The following WDR82 variants were observed in gnomAD, a reference collection of about 807,000 sequenced individuals.
WDR82 encodes the protein WD repeat-containing protein 82.
Under a neutral mutation model 36.1 loss-of-function variants are expected in WDR82, and 8 were observed. The ratio of observed to expected loss-of-function variants is 0.22; its 90% CI spans 0.13 to 0.40. WDR82 has a LOEUF of 0.40. WDR82 is among the 10% of genes least tolerant of loss of function. WDR82 has a pLI of 1.00. For missense variants in WDR82, 185 were observed against 400.5 expected (o/e 0.46, Z 4.59); for synonymous variants, 129 against 137.8 (o/e 0.94, Z 0.45).
At chr3:52,275,341 T>C (rs1031745825) in intron 1 of WDR82, among the ~76,000 whole-genome samples, 1 of 152,230 alleles carries the variant, frequency 6.6e-6, no homozygotes, top group African/African-American at 2.4e-5. Context: ...TTGCCTAGAA[T>C]GGAAACTAAA....
chr3:52,277,348 G>A (rs1165063750), intron 1 of WDR82, among the ~76,000 whole-genome samples: 1 of 152,010 alleles, frequency 6.6e-6, no homozygotes, highest in Non-Finnish European at 1.5e-5. Flanking sequence ...TGGGTCTCCA[G>A]ATGACTTGTG....
chr3:52,263,113 G>A (rs1227497551), intron 3 of WDR82, among the ~76,000 whole-genome samples: 1 of 152,208 alleles, frequency 6.6e-6, no homozygotes, highest in Non-Finnish European at 1.5e-5. Context: ...GGGAAACAGA[G>A]CAAGGCACCG....
In WDR82 at chr3:52,255,765, T is replaced by A. The variant is rs1179562482; in HGVS notation, c.*1725A>T. The A allele has an allele frequency of 6.6e-6, 1 of 152,190 alleles. No individual in the cohort carries two copies. The highest frequency in any genetic ancestry group is 1.5e-5 in the Non-Finnish European group (1 of 68,058). The allele number at this position is 152,190 out of a possible 1,614,324, so 9.4% of individuals were successfully genotyped here. ...GGATCTGCAAGGAGTGTTGCCTGCA[T>A]AAATGTTTGTTTAGGAACTTAGTAA... is the stretch of plus-strand genomic sequence containing the variant. On this transcript the variant is annotated 3_prime_UTR_variant, in exon 9 of 9. Coordinates refer to ENST00000296490, the MANE Select transcript of WDR82 (RefSeq NM_025222.4).
In WDR82 at chr3:52,256,209, CTGAAA is replaced by C. The variant is rs1700005955; in HGVS notation, c.*1276_*1280del. ...ACACTATCAGCTTTGCTTCAGTCTT[CTGAAA>C]TGAAAATATTAATAAGGAAGACTCA... On this transcript the variant is annotated 3_prime_UTR_variant, in exon 9 of 9. Transcript: ENST00000296490. 1.3e-5 allele frequency: 2 copies of C among 153,874 alleles called. No homozygotes were observed. The highest frequency in any genetic ancestry group is 1.3e-4 in the Admixed American group (2 of 15,286). 9.5% of individuals were successfully genotyped at this position (153,874 alleles called of 1,614,324 possible).
chr3:52,260,461 TCAAAAGAA>T lies in WDR82; in HGVS notation c.459_466del (p.Cys153Ter). On this transcript the variant is annotated stop_gained and frameshift_variant, in exon 5 of 9. Transcript: ENST00000296490. LOFTEE classifies it high-confidence loss of function. ...TGCAGCGAAAATTAACCCTTCTGGA[TCAAAAGAA>T]CAAACTGGCTTCCCCTGCAGATGCA... The T allele has an allele frequency of 6.3e-7, 1 of 1,592,160 alleles. No individual in the cohort carries two copies. Among genetic ancestry groups the T allele is most frequent in the African/African-American group, 1.4e-5 (1 of 72,640 alleles).
intron 4 of WDR82, 41 bp from the exon 5 acceptor site, chr3:52,260,542 C>G (rs199896636): frequency 7.1e-7 from 1 of 1,401,594 alleles, no homozygotes; most frequent in East Asian, 2.5e-5. Flanking sequence ...AACACACATG[C>G]CACAACCATA....
At position 52,278,303 on chromosome 3, in the gene WDR82, T is replaced by C. The variant is rs1199810066; in HGVS notation, c.59A>G (p.Asn20Ser). 6.2e-7 allele frequency: 1 copy of C among 1,609,374 alleles called. No homozygotes were observed. The highest frequency in any genetic ancestry group is 1.7e-5 in the Admixed American group (1 of 59,362). ...ATCGAAGCAGTTAATCTTGTCCGAGTTTTCGCGGAACACCTTAGCGACGCG... is the reference window on the plus strand; with the variant it reads ...ATCGAAGCAGTTAATCTTGTCCGAGCTTTCGCGGAACACCTTAGCGACGCG... ...SFRVAKVFRE[N>S]SDKINCFDFS... Residue 20 changes from asparagine to serine, a missense_variant, in exon 1 of 9, where the codon AAC (asparagine) becomes AGC (serine). Physicochemically the swap from Asn to Ser is conservative, Grantham distance 46 (BLOSUM62 1). This residue lies in a region of WDR82 where 49 missense variants were observed against 80.6 expected (regional missense o/e 0.61). Coordinates refer to ENST00000296490, the MANE Select transcript of WDR82 (RefSeq NM_025222.4).
chr3:52,269,826 A>G (rs1196909394), intron 2 of WDR82, among the ~76,000 whole-genome samples: 1 of 152,220 alleles, frequency 6.6e-6, no homozygotes, highest in Non-Finnish European at 1.5e-5. Context: ...TTACCAAGAC[A>G]ATCTGTTAAC....
At chr3:52,273,788 AT>A (rs2107342791) in intron 1 of WDR82, among the ~76,000 whole-genome samples, 1 of 152,130 alleles carries the variant, frequency 6.6e-6, no homozygotes, top group Non-Finnish European at 1.5e-5. Context: ...GGCTCAGCTA[AT>A]TTTTGTATTT....
rs538212712 is a variant in WDR82 at position 52,272,543 on chromosome 3, C to CAA, written c.162-1736_162-1735dup. Among the ~76,000 whole-genome samples the CAA allele has an allele frequency of 5.7e-4, 57 of 100,284 alleles. 1 individual carries two copies. The highest frequency in any genetic ancestry group is 9.4e-4 in the Non-Finnish European group (47 of 49,966). The allele number at this position is 100,284 out of a possible 152,430, so 65.8% of individuals were successfully genotyped here. A position where few individuals can be genotyped will look rare whatever the true frequency, so the allele number is the denominator to read the frequency against. Reference sequence around the variant, plus strand: ...TGGGCAACAGAGCAAGACTCCATCTCAAAAAAAAAAAAAAGAAAAATAAAA... The same window carrying CAA: ...TGGGCAACAGAGCAAGACTCCATCTCAAAAAAAAAAAAAAAAGAAAAATAAAA... On this transcript the variant is annotated intron_variant, in intron 1 of 8. Coordinates refer to ENST00000296490, the MANE Select transcript of WDR82 (RefSeq NM_025222.4).
intron 1 of WDR82, among the ~76,000 whole-genome samples, chr3:52,274,235 A>T (rs903056199): frequency 2.0e-5 from 3 of 152,220 alleles, no homozygotes; most frequent in Non-Finnish European, 4.4e-5. Context: ...AGCCATTTTC[A>T]AACTCCCAAA....
intron 2 of WDR82, 46 bp from the exon 3 acceptor site, chr3:52,267,064 G>C: frequency 3.4e-6 from 5 of 1,458,150 alleles, no homozygotes; most frequent in South Asian, 1.2e-5. Flanking sequence ...CTATTTAAAA[G>C]AAATTTACTT....
At chr3:52,268,397 C>G (rs1467009756) in intron 2 of WDR82, 3 of 470,470 alleles carry the variant, frequency 6.4e-6, no homozygotes, top group African/African-American at 6.0e-5. Context: ...GCTGGAGGAA[C>G]TCTTCAGGAT....
At chr3:52,262,708 G>A (rs1373006920) in intron 3 of WDR82, among the ~76,000 whole-genome samples, 1 of 152,228 alleles carries the variant, frequency 6.6e-6, no homozygotes, top group African/African-American at 2.4e-5. Context: ...ACCATCAAGA[G>A]ACACTCACTG....
chr3:52,258,416 A>G, intron 8 of WDR82, 120 bp downstream of exon 8: 1 of 1,160,860 alleles, frequency 8.6e-7, no homozygotes, highest in Admixed American at 1.9e-5. Flanking sequence ...GTTGAGAAAC[A>G]TGTACTTGGA....
chr3:52,268,381 C>T (rs934544154), intron 2 of WDR82: 8 of 471,236 alleles, frequency 1.7e-5, no homozygotes, highest in Non-Finnish European at 3.1e-5. Flanking sequence ...CAAAAGGAAA[C>T]GGAGCGCTGG....
chr3:52,260,861 G>A (rs1700055006), intron 4 of WDR82, among the ~76,000 whole-genome samples: 1 of 152,256 alleles, frequency 6.6e-6, no homozygotes, highest in African/African-American at 2.4e-5. Context: ...GCTGGGCGCA[G>A]TGGCTCACGC....
chr3:52,259,414 G>T, intron 6 of WDR82, 148 bp from the exon 7 acceptor site: 1 of 842,682 alleles, frequency 1.2e-6, no homozygotes, highest in Non-Finnish European at 1.9e-6. Context: ...TCCAAATGTG[G>T]TTGCCATCGT....
intron 2 of WDR82, among the ~76,000 whole-genome samples, chr3:52,269,366 T>G (rs1265413673): frequency 6.6e-6 from 1 of 152,008 alleles, no homozygotes; most frequent in South Asian, 2.1e-4. Flanking sequence ...TACCAGCTAC[T>G]TGGGAGGCTG....
Sources: allele counts gnomAD v4.1 joint callset (sites outside exome capture counted in the v4.1 genomes callset), GRCh38; gene constraint gnomAD v4.1.1; regional missense constraint gnomAD v4.1.1; transcripts MANE v1.5; gene names NCBI Gene and HGNC (gene_info 2026-07-23, HGNC 2026-07-21).